Variants in PPP6R3 observed in about 807,000 individuals in gnomAD.
PPP6R3 encodes protein phosphatase 6 regulatory subunit 3, also known as serine/threonine-protein phosphatase 6 regulatory subunit 3.
Under a neutral mutation model 110.7 loss-of-function variants are expected in PPP6R3, and 38 were observed. The observed-to-expected ratio is 0.34, with a 90% CI of 0.26 to 0.45. PPP6R3 has a LOEUF of 0.45. Among genes scored for constraint, PPP6R3 ranks in the 20% least tolerant of loss-of-function variants. PPP6R3 has a pLI of 1.00. For missense variants in PPP6R3, 870 were observed against 1,062.4 expected (o/e 0.82, Z 2.52); for synonymous variants, 369 against 373.5 (o/e 0.99, Z 0.14).
intron 15 of PPP6R3, chr11:68,587,186 C>T (rs541429278): frequency 6.7e-6 from 1 of 149,398 alleles, no homozygotes; most frequent in Non-Finnish European, 1.5e-5. Flanking sequence ...ACCCCCCCCC[C>T]CCACATTTTC....
At chr11:68,490,463 T>C (rs950357821) in intron 1 of PPP6R3, among the ~76,000 whole-genome samples, 13 of 152,092 alleles carry the variant, frequency 8.5e-5, no homozygotes, top group African/African-American at 2.9e-4. Flanking sequence ...TTTATTGGCA[T>C]TGTTTCCTGA....
chr11:68,519,221 A>G (rs955312639), intron 1 of PPP6R3, among the ~76,000 whole-genome samples: 3 of 152,216 alleles, frequency 2.0e-5, no homozygotes, highest in Non-Finnish European at 4.4e-5. Flanking sequence ...AAAGGTAAGA[A>G]TATGTATTTT....
intron 2 of PPP6R3, among the ~76,000 whole-genome samples, chr11:68,535,902 GGTTGCAGT>G (rs566129933): frequency 5.9e-4 from 90 of 152,104 alleles, no homozygotes; most frequent in African/African-American, 2.1e-3. Flanking sequence ...GGGAGGCAGA[GGTTGCAGT>G]GAGCTGAGAT....
chr11:68,486,255 C>T (rs2098946565), intron 1 of PPP6R3, among the ~76,000 whole-genome samples: 1 of 151,594 alleles, frequency 6.6e-6, no homozygotes, highest in Non-Finnish European at 1.5e-5. Flanking sequence ...TTGTAGTGTC[C>T]TTGTCTGATT....
chr11:68,476,970 A>C (rs2098837102), intron 1 of PPP6R3, among the ~76,000 whole-genome samples: 1 of 151,986 alleles, frequency 6.6e-6, no homozygotes, highest in Non-Finnish European at 1.5e-5. Flanking sequence ...AGGCTGCAGT[A>C]GTAAGCTATG....
chr11:68,523,296 C>T (rs751548507), intron 2 of PPP6R3, among the ~76,000 whole-genome samples: 4 of 152,182 alleles, frequency 2.6e-5, no homozygotes, highest in Admixed American at 6.5e-5. Flanking sequence ...ACTTGACCTT[C>T]TCCGTAACTG....
At chr11:68,558,828 A>G (rs2099408743) in intron 8 of PPP6R3, 149 bp downstream of exon 8, 3 of 610,196 alleles carry the variant, frequency 4.9e-6, no homozygotes, top group East Asian at 3.1e-5. Context: ...GCCTAATTTT[A>G]TATGAATACC....
At chr11:68,553,855 G>C (rs1374349799) in intron 6 of PPP6R3, among the ~76,000 whole-genome samples, 1 of 152,070 alleles carries the variant, frequency 6.6e-6, no homozygotes, top group Non-Finnish European at 1.5e-5. Context: ...TTCGATTTGG[G>C]ATGCTCAATC....
intron 21 of PPP6R3, 97 bp from the exon 22 acceptor site, chr11:68,603,239 TCAAGCA>T: frequency 2.1e-6 from 3 of 1,438,772 alleles, no homozygotes; most frequent in Admixed American, 4.4e-5. Context: ...TTTTTTTTCT[TCAAGCA>T]GTAGATGTCA....
chr11:68,565,758 C>T (rs1473853377), intron 9 of PPP6R3, among the ~76,000 whole-genome samples: 1 of 148,290 alleles, frequency 6.7e-6, no homozygotes, highest in Admixed American at 6.7e-5. Flanking sequence ...TCCGTTTGCA[C>T]CTGGTTTTAC....
At chr11:68,569,550 A>G (rs2099494307) in intron 10 of PPP6R3, among the ~76,000 whole-genome samples, 198 bp from the exon 11 acceptor site, 1 of 152,186 alleles carries the variant, frequency 6.6e-6, no homozygotes, top group South Asian at 2.1e-4. Context: ...ATCATGGTTG[A>G]CTGTGGGTAA....
intron 1 of PPP6R3, among the ~76,000 whole-genome samples, chr11:68,473,180 A>G (rs139186781): frequency 2.3e-3 from 356 of 152,328 alleles, no homozygotes; most frequent in Non-Finnish European, 4.1e-3. Context: ...TGGAAAGACC[A>G]TGATTAGAGG....
chr11:68,513,057 C>T (rs1432008864), intron 1 of PPP6R3, among the ~76,000 whole-genome samples: 1 of 152,098 alleles, frequency 6.6e-6, no homozygotes, highest in Non-Finnish European at 1.5e-5. Flanking sequence ...CCACGATATA[C>T]ACCAGCAGCC....
intron 12 of PPP6R3, among the ~76,000 whole-genome samples, chr11:68,573,009 T>G (rs2099513690): frequency 6.6e-6 from 1 of 150,414 alleles, no homozygotes; most frequent in South Asian, 2.1e-4. Context: ...TCTGCAGTGT[T>G]TGTTCCCTGC....
chr11:68,557,669 C>G (rs1356922992), intron 7 of PPP6R3, among the ~76,000 whole-genome samples: 1 of 152,144 alleles, frequency 6.6e-6, no homozygotes, highest in African/African-American at 2.4e-5. Flanking sequence ...CAGGCGTGCA[C>G]CACGAGGCCC....
intron 1 of PPP6R3, among the ~76,000 whole-genome samples, chr11:68,473,742 A>G (rs1199989594): frequency 2.6e-5 from 4 of 152,244 alleles, no homozygotes; most frequent in African/African-American, 9.6e-5. Context: ...GTGTGGTCAC[A>G]TAAGTATCCT....
chr11:68,572,026 A>T (rs78467948), intron 12 of PPP6R3, among the ~76,000 whole-genome samples: 8,042 of 150,280 alleles, frequency 0.054, 223 homozygotes, highest in Middle Eastern at 0.13. Context: ...TTTTTTTTTT[A>T]AATCGTTTAA....
intron 15 of PPP6R3, among the ~76,000 whole-genome samples, chr11:68,585,249 C>T (rs764808527): frequency 6.6e-6 from 1 of 152,178 alleles, no homozygotes; most frequent in East Asian, 1.9e-4. Flanking sequence ...GGTGAGGCCC[C>T]CATGGAGGTC....
intron 11 of PPP6R3, among the ~76,000 whole-genome samples, 172 bp from the exon 12 acceptor site, chr11:68,570,868 T>C (rs147211966): frequency 5.5e-4 from 83 of 152,270 alleles, no homozygotes; most frequent in Non-Finnish European, 8.8e-4. Context: ...TTTGAATCTC[T>C]GTAGTGTTGT....
Sources: gnomAD v4.1 joint callset for allele counts (sites outside exome capture counted in the v4.1 genomes callset) on GRCh38, gnomAD v4.1.1 for gene constraint, MANE v1.5 for transcripts, NCBI Gene and HGNC (gene_info 2026-07-23, HGNC 2026-07-21) for gene names.